ZAN: variants seen among roughly 807,000 people sequenced by gnomAD.
ZAN encodes zonadhesin (gene/pseudogene).
In ZAN, 260 loss-of-function variants were observed where a neutral mutation model predicts 286.2. The ratio of observed to expected loss-of-function variants is 0.91; its 90% CI spans 0.82 to 1.01. ZAN has a LOEUF of 1.01. Among genes scored for constraint, ZAN ranks in the 50% least tolerant of loss-of-function variants. ZAN has a pLI of 0.00. For missense variants in ZAN, 3,410 were observed against 3,639.2 expected (o/e 0.94, Z 1.62); for synonymous variants, 1,368 against 1,417.5 (o/e 0.97, Z 0.79).
chr7:100,757,615 C>T (rs905412918), intron 15 of ZAN, among the ~76,000 whole-genome samples: 9 of 151,688 alleles, frequency 5.9e-5, no homozygotes, highest in South Asian at 4.2e-4. Context: ...ATTAGCCGGG[C>T]GTCGTGGCGG....
At chr7:100,766,476 A>C (rs1019746341) in intron 23 of ZAN, 49 bp from the exon 24 acceptor site, 1 of 1,505,010 alleles carries the variant, frequency 6.6e-7, no homozygotes, top group Admixed American at 2.1e-5. Context: ...AAAAAACAAA[A>C]CAAAGCAAAA....
chr7:100,755,434 T>A, intron 15 of ZAN, 24 bp downstream of exon 15: 1 of 1,606,824 alleles, frequency 6.2e-7, no homozygotes, highest in South Asian at 1.1e-5. Flanking sequence ...GATGCTGGGG[T>A]CCCATGAGGG....
rs1490139536 is a variant in ZAN at position 100,775,489 on chromosome 7, G to A, written c.5941G>A (p.Gly1981Ser). 6.2e-7 allele frequency: 1 copy of A among 1,613,982 alleles called. No individual in the cohort carries two copies. The highest frequency in any genetic ancestry group is 8.5e-7 in the Non-Finnish European group (1 of 1,179,896). The change falls in exon 32 of 48, where the codon GGT becomes AGT. Residue 1981 changes from glycine to serine, a missense_variant. Physicochemically the swap from Gly to Ser is moderately conservative, Grantham distance 56. This residue lies in a region of ZAN where 1,289 missense variants were observed against 1,314.3 expected (regional missense o/e 0.98). Transcript: ENST00000613979. ...CAGTGCCAAGCATGAGAAGGAGGAAGGTGGAACTGAGGCTTTCCGCCTTCA... is the reference window on the plus strand; with the variant it reads ...CAGTGCCAAGCATGAGAAGGAGGAAAGTGGAACTGAGGCTTTCCGCCTTCA... ...KISAKHEKEEGGTEAFRLHEV... is the reference protein window; with the variant it reads ...KISAKHEKEESGTEAFRLHEV...
rs944655243 is a variant in ZAN at position 100,767,115 on chromosome 7, G to T, written c.4718G>T (p.Trp1573Leu). The T allele has an allele frequency of 6.2e-7, 1 of 1,613,900 alleles. No homozygotes were observed. Among genetic ancestry groups the T allele is most frequent in the South Asian group, 1.1e-5 (1 of 91,078 alleles). The part of the protein sequence containing the change: ...TCTYVLTRPC[W>L]SRSQDSYFVV... ...ACCTATGTCCTGACCCGGCCTTGCT[G>T]GTCCAGGTCCCAAGACAGCTATTTT... Residue 1573 changes from tryptophan (W) to leucine (L), a missense_variant, in exon 25 of 48, where the codon TGG becomes TTG. Physicochemically the swap from Trp to Leu is moderately conservative, Grantham distance 61. This residue lies in a region of ZAN where 1,042 missense variants were observed against 1,058.0 expected (regional missense o/e 0.98). Coordinates refer to ENST00000613979, the MANE Select transcript of ZAN (RefSeq NM_003386.3).
In ZAN at chr7:100,754,888, C is replaced by T. The variant is rs146963104; in HGVS notation, c.3125-338C>T. Among the ~76,000 whole-genome samples, 787 of 152,114 alleles carry T rather than the reference C, an allele frequency of 5.2e-3. 8 individuals are homozygous for T. The highest frequency in any genetic ancestry group is 0.017 in the African/African-American group (723 of 41,482). ...AACTCCTGGCCTCAAGTGATCTGTC[C>T]GCCTCGGTTTACCAAAGTGCTGGGA... On this transcript the variant is annotated intron_variant, in intron 14 of 47. Coordinates refer to ENST00000613979, the MANE Select transcript of ZAN (RefSeq NM_003386.3).
intron 19 of ZAN, 151 bp from the exon 20 acceptor site, chr7:100,762,064 G>A (rs970635290): frequency 1.1e-6 from 1 of 879,834 alleles, no homozygotes; most frequent in South Asian, 1.6e-5. Context: ...CTTGGGGGAG[G>A]GCCATGGGGT....
intron 42 of ZAN, 155 bp downstream of exon 42, chr7:100,792,634 T>C: frequency 6.9e-7 from 1 of 1,444,248 alleles, no homozygotes; most frequent in Non-Finnish European, 9.1e-7. Flanking sequence ...CATCTCGGGC[T>C]TTCTGTCTTA....
intron 7 of ZAN, among the ~76,000 whole-genome samples, chr7:100,745,534 C>T (rs1808145608): frequency 2.0e-5 from 3 of 151,634 alleles, no homozygotes; most frequent in Non-Finnish European, 4.4e-5. Flanking sequence ...TCCTCTGTGT[C>T]AGAGCCGCTG....
intron 45 of ZAN, among the ~76,000 whole-genome samples, chr7:100,796,880 G>A (rs989297921): frequency 6.6e-6 from 1 of 150,832 alleles, no homozygotes; most frequent in Non-Finnish European, 1.5e-5. Flanking sequence ...GTTCATGCCT[G>A]TAATTTCAGG....
rs1302040436 is a variant in ZAN at position 100,735,919 on chromosome 7, G to GC, written c.106+149dup. On this transcript the variant is annotated intron_variant, in intron 3 of 47. Transcript: ENST00000613979. ...CAGCCAGGACTACAAAATGTGTCCTGCCAGGCCAAGTCCAGCCCTCCAACC... is the reference window on the plus strand; with the variant it reads ...CAGCCAGGACTACAAAATGTGTCCTGCCCAGGCCAAGTCCAGCCCTCCAACC... 34 of 640,042 alleles carry GC rather than the reference G, an allele frequency of 5.3e-5. 10 individuals are homozygous for GC. Among genetic ancestry groups the GC allele is most frequent in the Non-Finnish European group, 5.1e-5 (19 of 374,018 alleles). The allele number at this position is 640,042 out of a possible 1,614,324, so 39.6% of individuals were successfully genotyped here.
chr7:100,776,687 T>A, intron 34 of ZAN, 123 bp downstream of exon 34: 1 of 447,662 alleles, frequency 2.2e-6, no homozygotes, highest in Non-Finnish European at 3.4e-6. Context: ...TCTTCCTTTC[T>A]CTCTTTCTCT....
chr7:100,759,789 GT>G lies in ZAN; in HGVS notation c.3641del (p.Val1214AlafsTer3), dbSNP rs1562931976. 1 of 1,607,882 alleles carries G rather than the reference GT, an allele frequency of 6.2e-7. No homozygotes were observed. ...GGAAGGCGTGTCCTGCCTGAGCAAA[GT>G]CTACGTGACCCTGCCCGAGAGCACC... Reference protein sequence around the residue: ...GQEGVSCLSKVYVTLPESTVT... With the variant: ...GQEGVSCLSKXYVTLPESTVT... On this transcript the variant is annotated frameshift_variant, in exon 18 of 48. Coordinates refer to ENST00000613979, the MANE Select transcript of ZAN (RefSeq NM_003386.3). LOFTEE classifies it high-confidence loss of function.
chr7:100,770,900 C>T (rs986689937), intron 28 of ZAN, among the ~76,000 whole-genome samples: 11 of 151,996 alleles, frequency 7.2e-5, no homozygotes, highest in African/African-American at 2.4e-4. Context: ...GCCTCCCAGG[C>T]GCAAGCTATT....
chr7:100,775,715 G>C lies in ZAN; in HGVS notation c.6074G>C (p.Gly2025Ala). 1.2e-6 allele frequency: 2 copies of C among 1,613,664 alleles called. No individual in the cohort carries two copies. Among genetic ancestry groups the C allele is most frequent in the Non-Finnish European group, 1.7e-6 (2 of 1,179,782 alleles). Residue 2025 changes from glycine to alanine, a missense_variant, in exon 33 of 48, where the codon GGG (glycine) becomes GCG (alanine). Physicochemically the swap from Gly to Ala is moderately conservative, Grantham distance 60. Around this residue, in one of 7 missense-constraint regions of ZAN, gnomAD observed 1,289 missense variants for 1,314.3 expected, o/e 0.98. Transcript: ENST00000613979. ...VTLPAISQIPGVSVKSSSIYS... is the reference protein window; with the variant it reads ...VTLPAISQIPAVSVKSSSIYS... Reference sequence around the variant, plus strand: ...CTCCCCGCCATCTCCCAGATCCCTGGGGTCAGTGTCAAGTCCAGCAGCATC... The same window carrying C: ...CTCCCCGCCATCTCCCAGATCCCTGCGGTCAGTGTCAAGTCCAGCAGCATC...
chr7:100,775,172 C>A (rs1810665057), intron 31 of ZAN, among the ~76,000 whole-genome samples, 156 bp from the exon 32 acceptor site: 1 of 152,062 alleles, frequency 6.6e-6, no homozygotes, highest in African/African-American at 2.4e-5. Context: ...CTTGGCCTCC[C>A]AAAGTGCTGG....
At chr7:100,771,127 A>G (rs1157315352) in intron 28 of ZAN, among the ~76,000 whole-genome samples, 1 of 151,446 alleles carries the variant, frequency 6.6e-6, no homozygotes, top group East Asian at 2.0e-4. Context: ...TTTTCTGGAG[A>G]TGAGGTCTTG....
At position 100,776,500 on chromosome 7, in the gene ZAN, G is replaced by A. The variant is rs542455108; in HGVS notation, c.6253G>A (p.Asp2085Asn). 117 of 1,591,690 alleles carry A rather than the reference G, an allele frequency of 7.4e-5. No individual in the cohort carries two copies. The highest frequency in any genetic ancestry group is 9.2e-5 in the Non-Finnish European group (108 of 1,168,716). ...EEEDELMMPS[D>N]EVANSDSEFV... ...AGAGGACGAACTAATGATGCCCAGCGATGAAGTAGCAAATAGTGACAGTGA... is the reference window on the plus strand; with the variant it reads ...AGAGGACGAACTAATGATGCCCAGCAATGAAGTAGCAAATAGTGACAGTGA... Residue 2085 changes from aspartate to asparagine, a missense_variant, in exon 34 of 48, where the codon GAT becomes AAT. Transcript: ENST00000613979.
At chr7:100,749,364 GGC>G (rs1808448162) in intron 11 of ZAN, among the ~76,000 whole-genome samples, 2 of 151,764 alleles carry the variant, frequency 1.3e-5, no homozygotes, top group Non-Finnish European at 1.5e-5. Context: ...AAAGAGGCTG[GGC>G]GCAGTGGCTC....
chr7:100,794,164 C>T lies in ZAN; in HGVS notation c.8031C>T (p.Thr2677=). 1 of 1,614,022 alleles carries T rather than the reference C, an allele frequency of 6.2e-7. No homozygotes were observed. The highest frequency in any genetic ancestry group is 8.5e-7 in the Non-Finnish European group (1 of 1,179,892). The change falls in exon 44 of 48, where the codon ACC becomes ACT. Residue 2677 remains threonine, a synonymous_variant. Coordinates refer to ENST00000613979, the MANE Select transcript of ZAN (RefSeq NM_003386.3). ...FLTEDCSQRC[T]CASSRILLCE... ...CTGAGGACTGCTCTCAGCGGTGCACCTGTGCCAGCTCACGGATCCTGCTGT... is the reference window on the plus strand; with the variant it reads ...CTGAGGACTGCTCTCAGCGGTGCACTTGTGCCAGCTCACGGATCCTGCTGT...
Sources: allele counts gnomAD v4.1 joint callset (sites outside exome capture counted in the v4.1 genomes callset), GRCh38; gene constraint gnomAD v4.1.1; regional missense constraint gnomAD v4.1.1; transcripts MANE v1.5; gene names NCBI Gene and HGNC (gene_info 2026-07-23, HGNC 2026-07-21).